The following VSX1 variants were observed in gnomAD, a reference collection of about 807,000 sequenced individuals.
VSX1 encodes the protein homeodomain protein RINX.
A neutral mutation model predicts 23.6 loss-of-function variants in VSX1; 23 were observed. The observed-to-expected ratio is 0.97, with a 90% CI of 0.70 to 1.38. The LOEUF is 1.38. Among genes scored for constraint, VSX1 ranks in the 40% most tolerant of loss-of-function variants. The pLI, the probability that VSX1 is intolerant of heterozygous loss-of-function variation, is 0.00. For synonymous variants in VSX1, 247 were observed against 215.1 expected (o/e 1.15, Z -1.30); for missense variants, 517 against 495.4 (o/e 1.04, Z -0.41).
chr20:25,080,862 T>G (rs141335670), intron 1 of VSX1, among the ~76,000 whole-genome samples: 101 of 152,344 alleles, frequency 6.6e-4, no homozygotes, highest in African/African-American at 2.4e-3. Flanking sequence ...AGTCTACTCT[T>G]TTTGCCTTGG....
chr20:25,077,184 G>A (rs6083736), intron 4 of VSX1, among the ~76,000 whole-genome samples: 33,327 of 151,990 alleles, frequency 0.22, 3,942 homozygotes, highest in Admixed American at 0.31. Flanking sequence ...TCTCAGCAGC[G>A]GAGACTCTTT....
Position 25,077,784 on chromosome 20 carries a change from G to T in VSX1, c.709C>A (p.Leu237Met). Residue 237 changes from leucine to methionine, a missense_variant, in exon 4 of 5, where the codon CTG becomes ATG. Physicochemically the swap from Leu to Met is conservative, Grantham distance 15. Coordinates refer to ENST00000376709, the MANE Select transcript of VSX1 (RefSeq NM_014588.6). ...CAGTGGCGCACCATGGCCCCGTACA[G>T]CCCGTACTCGGCCATCACGCTGCTG... ...GGSSVMAEYG[L>M]YGAMVRHCIP... 6.4e-7 allele frequency: 1 copy of T among 1,551,094 alleles called. No homozygotes were observed. The highest frequency in any genetic ancestry group is 8.7e-7 in the Non-Finnish European group (1 of 1,147,028).
chr20:25,081,428 G>A (rs1193350262), intron 1 of VSX1: 4 of 764,370 alleles, frequency 5.2e-6, no homozygotes, highest in Non-Finnish European at 9.5e-6. Context: ...CCCGGAACCA[G>A]GTGGTGGCGG....
downstream of VSX1, among the ~76,000 whole-genome samples, chr20:25,073,810 C>T (rs948650442): frequency 3.9e-5 from 6 of 152,126 alleles, no homozygotes; most frequent in East Asian, 3.9e-4. Context: ...TGTTCGTGAG[C>T]GGCTCAAAGT....
In VSX1 at chr20:25,078,927, C is replaced by A; in HGVS notation, c.529G>T (p.Glu177Ter). The stretch of plus-strand genomic sequence containing the variant: ...TCGCTGAATGCCTTCTCCAACTCTT[C>A]CAGCTGGTGAGCAGTGAAAACTGTC... Reference protein sequence around the residue: ...HRTVFTAHQLEELEKAFSEAH... With the variant: ...HRTVFTAHQL Residue 177 changes from glutamate to a stop codon, truncating the protein, a stop_gained, in exon 3 of 5, where the codon GAA becomes TAA. Coordinates refer to ENST00000376709, the MANE Select transcript of VSX1 (RefSeq NM_014588.6). LOFTEE classifies it high-confidence loss of function. 6.2e-7 allele frequency: 1 copy of A among 1,614,100 alleles called. No homozygotes were observed. Among genetic ancestry groups the A allele is most frequent in the Non-Finnish European group, 8.5e-7 (1 of 1,180,040 alleles).
chr20:25,078,739 T>C (rs528277026), intron 3 of VSX1, 90 bp downstream of exon 3: 1 of 1,614,098 alleles, frequency 6.2e-7, no homozygotes, highest in African/African-American at 1.3e-5. Context: ...GTGTTGGCTA[T>C]AGAGAAGGGA....
At chr20:25,075,101 G>A (rs1481323261), downstream of VSX1, among the ~76,000 whole-genome samples, 2 of 152,222 alleles carry the variant, frequency 1.3e-5, no homozygotes, top group Non-Finnish European at 2.9e-5. Flanking sequence ...GAGAGCTTCT[G>A]TTTTCTCACC....
At chr20:25,081,525 C>T in intron 1 of VSX1, 148 bp downstream of exon 1, 3 of 1,217,402 alleles carry the variant, frequency 2.5e-6, no homozygotes, top group Admixed American at 3.4e-5. Flanking sequence ...TCCGCGAATG[C>T]CCCTCCCGCG....
At chr20:25,079,634 A>G in intron 1 of VSX1, 120 bp from the exon 2 acceptor site, 1 of 1,041,004 alleles carries the variant, frequency 9.6e-7, no homozygotes, top group Non-Finnish European at 1.4e-6. Flanking sequence ...TTACAGTATG[A>G]GCCAGCATTT....
Position 25,082,110 on chromosome 20 carries a change from G to A in VSX1, c.-14C>T. On this transcript the variant is annotated 5_prime_UTR_variant, in exon 1 of 5. Transcript: ENST00000376709. The stretch of plus-strand genomic sequence containing the variant: ...CCGGCCGGTCATGGTTCCTTAGCAA[G>A]CAAGGCGCGAGCCTCTCTGGATCCC... 6.5e-7 allele frequency: 1 copy of A among 1,535,642 alleles called. No individual in the cohort carries two copies. The highest frequency in any genetic ancestry group is 8.7e-7 in the Non-Finnish European group (1 of 1,146,938).
chr20:25,073,091 T>C (rs912073660), downstream of VSX1, among the ~76,000 whole-genome samples: 24 of 152,198 alleles, frequency 1.6e-4, no homozygotes, highest in Admixed American at 9.2e-4. Context: ...CATCCTCAGA[T>C]TGGCACTGTG....
chr20:25,078,851 T>G lies in VSX1; in HGVS notation c.605A>C (p.Glu202Ala). 1 of 1,614,136 alleles carries G rather than the reference T, an allele frequency of 6.2e-7. No homozygotes were observed. Among genetic ancestry groups the G allele is most frequent in the East Asian group, 2.2e-5 (1 of 44,882 alleles). Residue 202 changes from glutamate (E) to alanine (A), a missense_variant, in exon 3 of 5, where the codon GAG (glutamate) becomes GCG (alanine). Glu to Ala is a moderately radical substitution (Grantham distance 107). Transcript: ENST00000376709. ...YAREMLAVKT[E>A]LPEDRIQVWF... ...CACCTGTATCCGGTCTTCGGGGAGCTCAGTTTTCACAGCCAGCATTTCTCG... is the reference window on the plus strand; with the variant it reads ...CACCTGTATCCGGTCTTCGGGGAGCGCAGTTTTCACAGCCAGCATTTCTCG...
chr20:25,075,012 C>G (rs1315375406), downstream of VSX1, among the ~76,000 whole-genome samples: 2 of 152,168 alleles, frequency 1.3e-5, no homozygotes, highest in Non-Finnish European at 2.9e-5. Context: ...TTTTCTGTTG[C>G]TACAGAAAGG....
chr20:25,078,105 G>T, intron 3 of VSX1: 1 of 587,708 alleles, frequency 1.7e-6, no homozygotes, highest in Non-Finnish European at 3.0e-6. Flanking sequence ...AGGGACACTT[G>T]TGACCACGTC....
chr20:25,071,089 G>A (rs1012156052), downstream of VSX1: 1 of 454,080 alleles, frequency 2.2e-6, no homozygotes, highest in Non-Finnish European at 4.4e-6. Flanking sequence ...TGAGATCAGG[G>A]GTCAAAGAGG....
chr20:25,076,561 AAAAAATAAAAAGG>A lies in VSX1; in HGVS notation c.809-24_809-12del, dbSNP rs2089497111. ...ATTTTTTATGCATCCCTTGTAAAAA[AAAAAATAAAAAGG>A]AAAAAATAAAAATAAAAATTTAAAT... is the stretch of plus-strand genomic sequence containing the variant. On this transcript the variant is annotated splice_polypyrimidine_tract_variant and intron_variant, in intron 4 of 4. Coordinates refer to ENST00000376709, the MANE Select transcript of VSX1 (RefSeq NM_014588.6). The A allele has an allele frequency of 4.4e-6, 7 of 1,586,606 alleles. No homozygotes were observed. The highest frequency in any genetic ancestry group is 1.2e-5 in the South Asian group (1 of 84,222).
chr20:25,078,584 C>G, intron 3 of VSX1: 1 of 1,282,470 alleles, frequency 7.8e-7, no homozygotes, highest in African/African-American at 1.6e-5. Context: ...TTTATAGTTT[C>G]TAGTTGCAGC....
Position 25,081,842 on chromosome 20 carries a change from G to A in VSX1, c.255C>T (p.Leu85=). 6.6e-7 allele frequency: 1 copy of A among 1,519,058 alleles called. No individual in the cohort carries two copies. Among genetic ancestry groups the A allele is most frequent in the East Asian group, 2.6e-5 (1 of 38,918 alleles). 94.1% of individuals were successfully genotyped at this position (1,519,058 alleles called of 1,614,324 possible). The change falls in exon 1 of 5, where the codon CTC becomes CTT. Residue 85 remains leucine (L), a synonymous_variant. Transcript: ENST00000376709. ...RGALPLGLGL[L]CGFGTQPPAA... is the part of the protein sequence containing the mutation. Reference sequence around the variant, plus strand: ...CCGGCGGCTGCGTGCCGAAGCCACAGAGGAGGCCGAGTCCCAGCGGTAGGG... The same window carrying A: ...CCGGCGGCTGCGTGCCGAAGCCACAAAGGAGGCCGAGTCCCAGCGGTAGGG...
intron 1 of VSX1, among the ~76,000 whole-genome samples, chr20:25,080,872 G>A (rs73331237): frequency 0.035 from 5,350 of 152,148 alleles, 292 homozygotes; most frequent in African/African-American, 0.12. Flanking sequence ...TTTTGCCTTG[G>A]CTGCCTGGAT....
Sources: allele counts gnomAD v4.1 joint callset (sites outside exome capture counted in the v4.1 genomes callset), GRCh38; gene constraint gnomAD v4.1.1; transcripts MANE v1.5; gene names NCBI Gene and HGNC (gene_info 2026-07-23, HGNC 2026-07-21).